ZNF883: variants seen among roughly 807,000 people sequenced by gnomAD.
ZNF883 encodes zinc finger protein 883.
At chr9:113,001,363 A>T (rs1399777794), upstream of ZNF883, among the ~76,000 whole-genome samples, 2 of 152,140 alleles carry the variant, frequency 1.3e-5, no homozygotes, top group East Asian at 3.8e-4. Context: ...ATCAGGCCCT[A>T]AAACAAGTAG....
At chr9:112,990,935 T>C (rs1828296006) in intron 1 of ZNF883, among the ~76,000 whole-genome samples, 3 of 152,344 alleles carry the variant, frequency 2.0e-5, no homozygotes, top group Non-Finnish European at 4.4e-5. Context: ...GTTGGTTGTA[T>C]TTCTGTGGGG....
chr9:113,003,437 T>C (rs1828445283), intron 2 of ZNF883, among the ~76,000 whole-genome samples: 1 of 152,212 alleles, frequency 6.6e-6, no homozygotes, highest in African/African-American at 2.4e-5. Flanking sequence ...AATGGACTAA[T>C]ACACCTTGTT....
At chr9:112,998,142 G>A in exon 1 of ZNF883, 1 of 1,613,866 alleles carries the variant, frequency 6.2e-7, no homozygotes, top group Non-Finnish European at 8.5e-7. Context: ...CATTCATAAG[G>A]TTTTTCTCCA....
At chr9:112,991,635 T>G (rs1178515063) in intron 1 of ZNF883, among the ~76,000 whole-genome samples, 1 of 152,126 alleles carries the variant, frequency 6.6e-6, no homozygotes, top group Non-Finnish European at 1.5e-5. Flanking sequence ...GTCCTGAATA[T>G]TCTTGTTAAT....
chr9:112,992,908 T>TTC (rs1266415207), downstream of ZNF883, among the ~76,000 whole-genome samples: 1 of 152,240 alleles, frequency 6.6e-6, no homozygotes, highest in Non-Finnish European at 1.5e-5. Context: ...GTTGTGTTTT[T>TTC]CCGCTCCATC....
intron 1 of ZNF883, among the ~76,000 whole-genome samples, chr9:112,990,576 T>C (rs1275589379): frequency 6.6e-6 from 1 of 152,176 alleles, no homozygotes; most frequent in Non-Finnish European, 1.5e-5. Context: ...TGAAGTTTTC[T>C]TTTTTTGTTG....
chr9:113,001,433 C>T (rs922864932), upstream of ZNF883, among the ~76,000 whole-genome samples: 6 of 152,010 alleles, frequency 3.9e-5, no homozygotes, highest in Non-Finnish European at 8.8e-5. Context: ...GCCAATCTTC[C>T]TCTGAGATCA....
chr9:112,989,052 CA>C (rs1475653444), intron 1 of ZNF883, among the ~76,000 whole-genome samples: 1 of 152,098 alleles, frequency 6.6e-6, no homozygotes, highest in Non-Finnish European at 1.5e-5. Context: ...GGATAGGTTG[CA>C]AAAGTTTTCC....
chr9:113,011,015 A>T (rs1369603062), intron 2 of ZNF883, 126 bp downstream of exon 2: 2 of 152,026 alleles, frequency 1.3e-5, no homozygotes. Context: ...ATTGAGAGCA[A>T]ATAATGAGCA....
At chr9:113,009,190 A>ATG (rs1051203863) in intron 2 of ZNF883, among the ~76,000 whole-genome samples, 3 of 152,188 alleles carry the variant, frequency 2.0e-5, no homozygotes, top group African/African-American at 7.2e-5. Flanking sequence ...GGTAAATTAT[A>ATG]TGTAAATCTT....
At chr9:112,999,506 G>A (rs970235006), upstream of ZNF883, among the ~76,000 whole-genome samples, 1 of 152,020 alleles carries the variant, frequency 6.6e-6, no homozygotes, top group Middle Eastern at 3.2e-3. Context: ...AAAGGGCTCA[G>A]TCCCACAAGA....
intron 2 of ZNF883, among the ~76,000 whole-genome samples, chr9:113,003,580 CAA>C (rs201780460): frequency 4.8e-5 from 5 of 103,802 alleles, no homozygotes; most frequent in African/African-American, 7.9e-5. Context: ...AGTGGAGTCT[CAA>C]AAAAAAAAAA....
At chr9:113,011,298 A>T (rs1395000836) in intron 1 of ZNF883, 71 bp from the exon 2 acceptor site, 4 of 152,174 alleles carry the variant, frequency 2.6e-5, no homozygotes, top group Admixed American at 6.5e-5. Flanking sequence ...ACCTGGATAT[A>T]ACCCACACCC....
chr9:112,991,049 A>C (rs1389602348), intron 1 of ZNF883, among the ~76,000 whole-genome samples: 1 of 151,942 alleles, frequency 6.6e-6, no homozygotes, highest in Admixed American at 6.6e-5. Flanking sequence ...TTTTTCAAAA[A>C]CCAGCTCCTG....
At chr9:112,997,311 C>A (rs376738180) in exon 1 of ZNF883, 44 of 1,614,024 alleles carry the variant, frequency 2.7e-5, no homozygotes, top group Non-Finnish European at 3.4e-5. Context: ...GGTTTCTCTC[C>A]TGTATGCGTC....
chr9:113,007,317 G>C (rs1828488483), intron 2 of ZNF883, among the ~76,000 whole-genome samples: 1 of 152,206 alleles, frequency 6.6e-6, no homozygotes, highest in Non-Finnish European at 1.5e-5. Context: ...TCAGCAGCCT[G>C]CCTGTCAGAA....
At chr9:113,001,236 G>C (rs540266692), upstream of ZNF883, among the ~76,000 whole-genome samples, 2 of 152,042 alleles carry the variant, frequency 1.3e-5, no homozygotes, top group African/African-American at 4.8e-5. Context: ...TTGAAAGGTA[G>C]ATAAAAAATT....
At chr9:112,994,326 A>ACTCTCCG (rs2118602644), downstream of ZNF883, among the ~76,000 whole-genome samples, 5 of 146,362 alleles carry the variant, frequency 3.4e-5, 1 homozygote, top group Middle Eastern at 3.5e-3. Context: ...CTCACTCTCC[A>ACTCTCCG]TGCTTTTCCT....
At chr9:113,005,123 T>C (rs143167183) in intron 2 of ZNF883, among the ~76,000 whole-genome samples, 44 of 152,156 alleles carry the variant, frequency 2.9e-4, no homozygotes, top group African/African-American at 1.0e-3. Context: ...GCAAGAATAT[T>C]TTTTATAATC....
Sources: gnomAD v4.1 joint callset for allele counts (sites outside exome capture counted in the v4.1 genomes callset) on GRCh38, gnomAD v4.1.1 for gene constraint, MANE v1.5 for transcripts, NCBI Gene and HGNC (gene_info 2026-07-23, HGNC 2026-07-21) for gene names.